The following SNX30 variants were observed in gnomAD, a reference collection of about 807,000 sequenced individuals.
The protein encoded by SNX30 is sorting nexin-30.
SNX30 carries 24 observed loss-of-function variants against 46.4 expected under a neutral mutation model. That is an observed-to-expected ratio of 0.52 (90% CI 0.37 to 0.73). SNX30 has a LOEUF of 0.73. Ranked by LOEUF, SNX30 falls within the 30% of genes least tolerant of loss-of-function variation. SNX30 has a pLI of 0.00. For synonymous variants in SNX30, 189 were observed against 211.5 expected, an observed-to-expected ratio of 0.89 and a Z score of 0.92; for missense variants, 533 against 555.7, an observed-to-expected ratio of 0.96 and a Z score of 0.41.
chr9:112,758,451 T>C (rs1839385044), intron 1 of SNX30, among the ~76,000 whole-genome samples: 1 of 152,176 alleles, frequency 6.6e-6, no homozygotes, highest in Non-Finnish European at 1.5e-5. Context: ...TGCCTCAGCC[T>C]CCTGAGTAGC....
At chr9:112,763,865 AT>A (rs1839485742) in intron 1 of SNX30, among the ~76,000 whole-genome samples, 1 of 150,354 alleles carries the variant, frequency 6.7e-6, no homozygotes, top group African/African-American at 2.5e-5. Flanking sequence ...AAAAAAAAAA[AT>A]TATTTGTTTA....
At chr9:112,828,824 C>G (rs891899731) in intron 3 of SNX30, among the ~76,000 whole-genome samples, 2 of 152,210 alleles carry the variant, frequency 1.3e-5, no homozygotes, top group South Asian at 2.1e-4. Flanking sequence ...CAAATACATT[C>G]ACAATGTTGT....
chr9:112,757,631 G>C (rs1839371580), intron 1 of SNX30, among the ~76,000 whole-genome samples: 1 of 152,162 alleles, frequency 6.6e-6, no homozygotes, highest in African/African-American at 2.4e-5. Context: ...TTGTACAAAA[G>C]TTCCCTTTTC....
chr9:112,873,988 G>A lies in SNX30; in HGVS notation c.*5145G>A, dbSNP rs1187692747. 1.3e-5 allele frequency: 2 copies of A among 152,242 alleles called. No homozygotes were observed. The highest frequency in any genetic ancestry group is 2.9e-5 in the Non-Finnish European group (2 of 68,068). The allele number at this position is 152,242 out of a possible 1,614,324, so 9.4% of individuals were successfully genotyped here. On this transcript the variant is annotated 3_prime_UTR_variant, in exon 9 of 9. Transcript: ENST00000374232. ...GTCAGCAGCAGCACTCCCACACCAG[G>A]TGGTTCTGGGCTCTCTGTAGGCTGG... is the stretch of plus-strand genomic sequence containing the variant.
Position 112,787,777 on chromosome 9 carries a change from C to T in SNX30, c.157-16999C>T, listed in dbSNP as rs923109715. ...CTATTGTAGAGGAATGGTGAGTTTT[C>T]GGTAATTTTTGAGGCAAGGACGCTT... On this transcript the variant is annotated intron_variant, in intron 1 of 8. Coordinates refer to ENST00000374232, the MANE Select transcript of SNX30 (RefSeq NM_001012994.2). 6.0e-5 allele frequency among the ~76,000 whole-genome samples: 9 copies of T among 149,712 alleles called. No individual in the cohort carries two copies. The South Asian group carries it at 1.1e-3, about 18-fold the overall frequency.
rs117122087 is a variant in SNX30 at position 112,762,822 on chromosome 9, T to A, written c.156+11665T>A. Among the ~76,000 whole-genome samples, 30 of 152,388 alleles carry A rather than the reference T, an allele frequency of 2.0e-4. No homozygotes were observed. The East Asian group carries it at 5.8e-3, about 29-fold the overall frequency. On this transcript the variant is annotated intron_variant, in intron 1 of 8. Coordinates refer to ENST00000374232, the MANE Select transcript of SNX30 (RefSeq NM_001012994.2). ...GCGACGTTACCAAGCCAGTTTCCACTGAGCAGAGCTGGAGCTTTACCCCAC... is the reference window on the plus strand; with the variant it reads ...GCGACGTTACCAAGCCAGTTTCCACAGAGCAGAGCTGGAGCTTTACCCCAC...
chr9:112,765,665 CAA>C (rs979922374), intron 1 of SNX30, among the ~76,000 whole-genome samples: 2 of 152,130 alleles, frequency 1.3e-5, no homozygotes, highest in African/African-American at 4.8e-5. Context: ...GTATGATTGA[CAA>C]AAATTGTATA....
At chr9:112,809,110 A>G (rs1840276896) in intron 2 of SNX30, among the ~76,000 whole-genome samples, 1 of 149,794 alleles carries the variant, frequency 6.7e-6, no homozygotes, top group South Asian at 2.1e-4. Flanking sequence ...TTTTTTTGAC[A>G]GAGTCTTGCT....
At chr9:112,854,229 A>G (rs1359253275) in intron 7 of SNX30, among the ~76,000 whole-genome samples, 1 of 152,260 alleles carries the variant, frequency 6.6e-6, no homozygotes, top group African/African-American at 2.4e-5. Flanking sequence ...GGCTTGGAGC[A>G]GTCTCGAGCA....
At chr9:112,807,698 C>A (rs1454903122) in intron 2 of SNX30, among the ~76,000 whole-genome samples, 1 of 152,168 alleles carries the variant, frequency 6.6e-6, no homozygotes. Context: ...TGTGACATTT[C>A]CCCTCAGCTT....
rs748349117 is a variant in SNX30 at position 112,850,812 on chromosome 9, C to T, written c.1015-47C>T. Reference sequence around the variant, plus strand: ...AGCAATTGCCTGGGGGTGGGAGGCCCCTTTGTGGACTCAGTGTTACATGCT... The same window carrying T: ...AGCAATTGCCTGGGGGTGGGAGGCCTCTTTGTGGACTCAGTGTTACATGCT... On this transcript the variant is annotated intron_variant, in intron 6 of 8. Coordinates refer to ENST00000374232, the MANE Select transcript of SNX30 (RefSeq NM_001012994.2). 3.0e-4 allele frequency: 437 copies of T among 1,444,284 alleles called. 1 individual carries two copies. In the Middle Eastern group the frequency reaches 5.0e-3, roughly 17 times the overall value. The allele number at this position is 1,444,284 out of a possible 1,614,324, so 89.5% of individuals were successfully genotyped here.
chr9:112,863,239 T>G (rs1841265607), intron 7 of SNX30, among the ~76,000 whole-genome samples: 1 of 152,186 alleles, frequency 6.6e-6, no homozygotes, highest in Non-Finnish European at 1.5e-5. Flanking sequence ...GGGTGAGCCA[T>G]GGCTTGGAGA....
At chr9:112,863,481 G>A (rs1841271214) in intron 7 of SNX30, among the ~76,000 whole-genome samples, 1 of 152,234 alleles carries the variant, frequency 6.6e-6, no homozygotes, top group African/African-American at 2.4e-5. Flanking sequence ...AAAGCAAAGT[G>A]AAAGTTGTGA....
intron 6 of SNX30, among the ~76,000 whole-genome samples, chr9:112,850,549 T>G (rs9299212): frequency 0.81 from 122,696 of 152,262 alleles, 49,570 homozygotes; most frequent in South Asian, 0.87. Context: ...CGGAGAGTCC[T>G]CCCAGCAGCG....
chr9:112,782,110 A>G (rs1047941965), intron 1 of SNX30, among the ~76,000 whole-genome samples: 9 of 152,098 alleles, frequency 5.9e-5, no homozygotes, highest in Non-Finnish European at 1.2e-4. Flanking sequence ...CTTATTGTCC[A>G]GGCTGGAGTG....
At chr9:112,771,982 A>C (rs1839658273) in intron 1 of SNX30, among the ~76,000 whole-genome samples, 1 of 152,162 alleles carries the variant, frequency 6.6e-6, no homozygotes. Flanking sequence ...GGTTCAAGTC[A>C]TGGAGCAGGG....
intron 6 of SNX30, among the ~76,000 whole-genome samples, chr9:112,843,810 TCAC>T (rs1840896090): frequency 6.6e-6 from 1 of 152,104 alleles, no homozygotes; most frequent in Non-Finnish European, 1.5e-5. Flanking sequence ...AGACGGGGTT[TCAC>T]CATGTTGGTG....
At chr9:112,879,533 C>T, downstream of SNX30, 1 of 507,554 alleles carries the variant, frequency 2.0e-6, no homozygotes, top group East Asian at 3.0e-5. Context: ...CAGTGTCTGC[C>T]TAATGGGGGT....
At chr9:112,751,832 T>A (rs1282403688) in intron 1 of SNX30, among the ~76,000 whole-genome samples, 3 of 152,086 alleles carry the variant, frequency 2.0e-5, no homozygotes, top group Non-Finnish European at 4.4e-5. Context: ...CCCTTTGACC[T>A]TCTTTGTACG....
Sources: allele counts gnomAD v4.1 joint callset (sites outside exome capture counted in the v4.1 genomes callset), GRCh38; gene constraint gnomAD v4.1.1; transcripts MANE v1.5; gene names NCBI Gene and HGNC (gene_info 2026-07-23, HGNC 2026-07-21).